Variants in ZBTB49 observed in about 807,000 individuals in gnomAD.
The protein encoded by ZBTB49 is zinc finger and BTB domain containing 49.
In ZBTB49, 43 loss-of-function variants were observed where a neutral mutation model predicts 57.5. That is an observed-to-expected ratio of 0.75 (90% CI 0.59 to 0.97). The LOEUF is 0.97. ZBTB49 is among the 50% of genes least tolerant of loss of function. The probability of loss-of-function intolerance (pLI) is 0.00; values close to 1 mark genes in which losing one functional copy is unlikely to be tolerated. For synonymous variants in ZBTB49, 369 were observed against 362.1 expected, an observed-to-expected ratio of 1.02 and a Z score of -0.22; for missense variants, 938 against 947.7, an observed-to-expected ratio of 0.99 and a Z score of 0.13.
In ZBTB49 at chr4:4,321,585, G is replaced by T. The variant is rs1007266238; in HGVS notation, c.*269G>T. ...TGCTGTCTCAGCAGCCTCAGCTGTG[G>T]GGGGGAAGCGCGTGTGCATCGTGTC... On this transcript the variant is annotated 3_prime_UTR_variant, in exon 8 of 8. Transcript: ENST00000337872. The T allele has an allele frequency of 1.9e-6, 1 of 516,684 alleles. No individual in the cohort carries two copies. The highest frequency in any genetic ancestry group is 3.4e-6 in the Non-Finnish European group (1 of 291,164). The allele number at this position is 516,684 out of a possible 1,614,324, so 32.0% of individuals were successfully genotyped here. A position where few individuals can be genotyped will look rare whatever the true frequency, so the allele number is the denominator to read the frequency against.
Position 4,320,907 on chromosome 4 carries a change from T to C in ZBTB49, c.1889T>C (p.Val630Ala), listed in dbSNP as rs79363054. The change falls in exon 8 of 8, where the codon GTT becomes GCT. Residue 630 changes from valine (V) to alanine (A), a missense_variant. By Grantham distance (64) the Val-to-Ala change is moderately conservative (BLOSUM62 0). Transcript: ENST00000337872. ...DTSVTLMPVS[V>A]KLPVHPVENS... is the part of the protein sequence containing the mutation. ...TCTGTGACGCTGATGCCAGTGTCGG[T>C]TAAACTCCCTGTCCACCCAGTGGAA... 6.2e-7 allele frequency: 1 copy of C among 1,614,140 alleles called. No homozygotes were observed. The highest frequency in any genetic ancestry group is 8.5e-7 in the Non-Finnish European group (1 of 1,180,022).
chr4:4,317,395 A>G (rs896107151), intron 7 of ZBTB49, among the ~76,000 whole-genome samples: 2 of 152,214 alleles, frequency 1.3e-5, no homozygotes, highest in African/African-American at 4.8e-5. Context: ...GGTTTTTGGT[A>G]GATTCACAAA....
At chr4:4,296,645 C>G (rs1720216476) in intron 1 of ZBTB49, among the ~76,000 whole-genome samples, 1 of 152,112 alleles carries the variant, frequency 6.6e-6, no homozygotes, top group African/African-American at 2.4e-5. Context: ...TTATCAGCAG[C>G]ATGAAAACGG....
chr4:4,311,715 A>T (rs1225576433), intron 4 of ZBTB49, among the ~76,000 whole-genome samples: 1 of 152,196 alleles, frequency 6.6e-6, no homozygotes, highest in Non-Finnish European at 1.5e-5. Context: ...GCAAATGTAT[A>T]TTGCTGTTGA....
At chr4:4,293,600 T>C (rs961912718) in intron 1 of ZBTB49, among the ~76,000 whole-genome samples, 1 of 152,252 alleles carries the variant, frequency 6.6e-6, no homozygotes, top group African/African-American at 2.4e-5. Context: ...AAAAACTATT[T>C]TATCTCATAA....
rs765443428 is a variant in ZBTB49 at position 4,302,389 on chromosome 4, C to T, written c.553C>T (p.His185Tyr). 2 of 1,614,244 alleles carry T rather than the reference C, an allele frequency of 1.2e-6. No homozygotes were observed. Among genetic ancestry groups the T allele is most frequent in the Admixed American group, 1.7e-5 (1 of 60,028 alleles). The change falls in exon 3 of 8, where the codon CAC becomes TAC. Residue 185 changes from histidine to tyrosine, a missense_variant. Transcript: ENST00000337872. ...TGCTTCACCATCAGTTAATCGTCAT[C>T]ACTCCGCAGGTGAAATCTCAAAACA... ...PHASPSVNRH[H>Y]SAGEISKQAP...
intron 1 of ZBTB49, among the ~76,000 whole-genome samples, chr4:4,293,591 A>G (rs1370224142): frequency 1.3e-5 from 2 of 152,216 alleles, no homozygotes; most frequent in Non-Finnish European, 2.9e-5. Context: ...TAGTGACTCA[A>G]AAACTATTTT....
chr4:4,305,787 G>C (rs562437512), intron 3 of ZBTB49, among the ~76,000 whole-genome samples: 1 of 152,284 alleles, frequency 6.6e-6, no homozygotes, highest in African/African-American at 2.4e-5. Flanking sequence ...GGTGGCATCA[G>C]GCTGAAGAAT....
At position 4,302,886 on chromosome 4, in the gene ZBTB49, C is replaced by T. The variant is rs1253387483; in HGVS notation, c.1050C>T (p.Ser350=). The change falls in exon 3 of 8, where the codon AGC becomes AGT. Residue 350 remains serine (S), a synonymous_variant. Coordinates refer to ENST00000337872, the MANE Select transcript of ZBTB49 (RefSeq NM_145291.4). ...AAAATACCCTAGAGAAAGCTAGCAG[C>T]CAAAGTGCTGAAGAAAAAGAAAGTG... ...ASKNTLEKAS[S]QSAEEKESEE... is the part of the protein sequence containing the mutation. 2 of 1,613,976 alleles carry T rather than the reference C, an allele frequency of 1.2e-6. No individual in the cohort carries two copies. Among genetic ancestry groups the T allele is most frequent in the East Asian group, 4.5e-5 (2 of 44,886 alleles).
intron 1 of ZBTB49, among the ~76,000 whole-genome samples, chr4:4,294,872 CGTGT>C (rs10626183): frequency 0.044 from 6,121 of 138,042 alleles, 275 homozygotes; most frequent in African/African-American, 0.11. Context: ...AGGAGGGTTT[CGTGT>C]GTGTGTGTGT....
intron 3 of ZBTB49, among the ~76,000 whole-genome samples, chr4:4,304,412 T>G (rs1720652218): frequency 6.6e-6 from 1 of 152,030 alleles, no homozygotes; most frequent in African/African-American, 2.4e-5. Flanking sequence ...GAGACAGGGT[T>G]TCACCATGTT....
chr4:4,317,071 C>T (rs1234893096), intron 7 of ZBTB49, among the ~76,000 whole-genome samples: 3 of 152,156 alleles, frequency 2.0e-5, no homozygotes, highest in Non-Finnish European at 2.9e-5. Context: ...TTTAAAATGT[C>T]AGTTCCAAAT....
intron 1 of ZBTB49, among the ~76,000 whole-genome samples, 169 bp downstream of exon 1, chr4:4,290,521 G>A (rs1330697836): frequency 6.6e-6 from 1 of 152,254 alleles, no homozygotes; most frequent in Non-Finnish European, 1.5e-5. Flanking sequence ...TCCTGCGAGA[G>A]TCAGCGAGCA....
In ZBTB49 at chr4:4,302,528, C is replaced by G. The variant is rs750883183; in HGVS notation, c.692C>G (p.Pro231Arg). The change falls in exon 3 of 8, where the codon CCC becomes CGC. Residue 231 changes from proline (P) to arginine (R), a missense_variant. By Grantham distance (103) the Pro-to-Arg change is moderately radical. Transcript: ENST00000337872. ...CAGTACCATAAACACGCAGCTGGTC[C>G]CAGTCAGGAGAGAGTTGTTGAGCAG... is the stretch of plus-strand genomic sequence containing the variant. ...SKQYHKHAAG[P>R]SQERVVEQPF... is the part of the protein sequence containing the mutation. 1 of 1,613,934 alleles carries G rather than the reference C, an allele frequency of 6.2e-7. No homozygotes were observed. Among genetic ancestry groups the G allele is most frequent in the Non-Finnish European group, 8.5e-7 (1 of 1,179,896 alleles).
chr4:4,315,933 G>T lies in ZBTB49; in HGVS notation c.1584G>T (p.Arg528=). The part of the protein sequence containing the change: ...MQRKLVKHRI[R]HTGERPYSCS... ...GGAAGTTAGTAAAGCACAGAATTCG[G>T]CACACGGGGGAGCGGCCTTACAGCT... The change falls in exon 7 of 8, where the codon CGG becomes CGT. Residue 528 remains arginine (R), a synonymous_variant. Transcript: ENST00000337872. 1.2e-6 allele frequency: 2 copies of T among 1,614,104 alleles called. No homozygotes were observed. The highest frequency in any genetic ancestry group is 1.7e-6 in the Non-Finnish European group (2 of 1,180,028).
intron 4 of ZBTB49, among the ~76,000 whole-genome samples, chr4:4,309,438 G>C (rs1656631041): frequency 6.6e-6 from 1 of 152,208 alleles, no homozygotes; most frequent in African/African-American, 2.4e-5. Context: ...GCACTGGAGA[G>C]AACCAAAAGA....
chr4:4,293,994 T>G (rs1300788560), intron 1 of ZBTB49, among the ~76,000 whole-genome samples: 1 of 152,256 alleles, frequency 6.6e-6, no homozygotes, highest in East Asian at 1.9e-4. Context: ...GTGGCCATCT[T>G]AAATCTGACA....
At chr4:4,310,510 A>ATTT (rs1560113010) in intron 4 of ZBTB49, among the ~76,000 whole-genome samples, 2 of 108,822 alleles carry the variant, frequency 1.8e-5, no homozygotes, top group African/African-American at 5.9e-5. Flanking sequence ...CACTTGCTAG[A>ATTT]ATTTTTTTTT....
chr4:4,310,944 C>G (rs1720961277), intron 4 of ZBTB49, among the ~76,000 whole-genome samples: 1 of 152,246 alleles, frequency 6.6e-6, no homozygotes, highest in East Asian at 1.9e-4. Flanking sequence ...GACTAAAGCT[C>G]TAATAATCTG....
Sources: allele counts gnomAD v4.1 joint callset (sites outside exome capture counted in the v4.1 genomes callset), GRCh38; gene constraint gnomAD v4.1.1; transcripts MANE v1.5; gene names NCBI Gene and HGNC (gene_info 2026-07-23, HGNC 2026-07-21).